CAMK1D: variants seen among roughly 807,000 people sequenced by gnomAD.
The protein encoded by CAMK1D is calcium/calmodulin-dependent protein kinase type 1D.
A neutral mutation model predicts 47.7 loss-of-function variants in CAMK1D; 9 were observed. The ratio of observed to expected loss-of-function variants is 0.19; its 90% CI spans 0.11 to 0.33. CAMK1D has a LOEUF of 0.33. CAMK1D is among the 10% of genes least tolerant of loss of function. CAMK1D has a pLI of 1.00. For missense variants in CAMK1D, 291 were observed against 488.7 expected (o/e 0.60, Z 3.81); for synonymous variants, 184 against 184.9 (o/e 0.99, Z 0.04).
chr10:12,350,836 C>T (rs952879018), intron 1 of CAMK1D, among the ~76,000 whole-genome samples: 4 of 152,214 alleles, frequency 2.6e-5, no homozygotes, highest in African/African-American at 9.7e-5. Flanking sequence ...AGTATTTGCT[C>T]TGCATCAGTA....
chr10:12,351,762 C>T (rs533980632), intron 1 of CAMK1D, among the ~76,000 whole-genome samples: 16 of 152,240 alleles, frequency 1.1e-4, no homozygotes, highest in African/African-American at 2.9e-4. Flanking sequence ...GGTGCCAGAG[C>T]GCTTCTCTGG....
intron 2 of CAMK1D, among the ~76,000 whole-genome samples, chr10:12,569,044 A>G (rs1272057100): frequency 6.6e-6 from 1 of 152,194 alleles, no homozygotes; most frequent in African/African-American, 2.4e-5. Context: ...TGTTCTGAAG[A>G]AAATACTGAC....
At chr10:12,379,683 G>A (rs1838283769) in intron 1 of CAMK1D, among the ~76,000 whole-genome samples, 2 of 152,250 alleles carry the variant, frequency 1.3e-5, no homozygotes, top group South Asian at 2.1e-4. Flanking sequence ...AACCCTGGAG[G>A]CGGAGGTTGC....
rs1379523618 is a variant in CAMK1D, at chr10:12,361,865, G to T, written c.92+11955G>T. On this transcript the variant is annotated intron_variant, in intron 1 of 10. Transcript: ENST00000619168. ...GCCACCGCTCCTGGCCTATTTGACT[G>T]TTTTTTAAAAATTATAGTTAAACGC... is the stretch of plus-strand genomic sequence containing the variant. Among the ~76,000 whole-genome samples the T allele has an allele frequency of 2.0e-5, 3 of 152,014 alleles. No homozygotes were observed. In the East Asian group the frequency reaches 5.8e-4, roughly 29 times the overall value.
chr10:12,368,690 G>A (rs981581316), intron 1 of CAMK1D, among the ~76,000 whole-genome samples: 18 of 149,846 alleles, frequency 1.2e-4, no homozygotes, highest in Non-Finnish European at 1.6e-4. Flanking sequence ...ACTTTGGGAG[G>A]CCCAAATCAT....
At chr10:12,519,001 G>A (rs1402379322) in intron 1 of CAMK1D, among the ~76,000 whole-genome samples, 1 of 119,272 alleles carries the variant, frequency 8.4e-6, no homozygotes, top group Non-Finnish European at 1.8e-5. Flanking sequence ...TGAGCCGCTG[G>A]GCACACCTCC....
chr10:12,781,038 A>G lies in CAMK1D; in HGVS notation c.566-10120A>G, dbSNP rs74986587. 4.7e-4 allele frequency among the ~76,000 whole-genome samples: 72 copies of G among 152,292 alleles called. No individual in the cohort carries two copies. The East Asian group carries it at 0.013, about 27-fold the overall frequency. Reference sequence around the variant, plus strand: ...CTGGCTTTGAGGAGCCCCATCCCACACATGGCAGTCCCACAGAGTCGCTCT... The same window carrying G: ...CTGGCTTTGAGGAGCCCCATCCCACGCATGGCAGTCCCACAGAGTCGCTCT... On this transcript the variant is annotated intron_variant, in intron 5 of 10. Coordinates refer to ENST00000619168, the MANE Select transcript of CAMK1D (RefSeq NM_153498.4).
At chr10:12,627,134 T>G (rs1479304917) in intron 2 of CAMK1D, among the ~76,000 whole-genome samples, 1 of 147,166 alleles carries the variant, frequency 6.8e-6, no homozygotes, top group Non-Finnish European at 1.5e-5. Flanking sequence ...CACACTGGAG[T>G]GCAGTGGCTC....
intron 10 of CAMK1D, among the ~76,000 whole-genome samples, chr10:12,828,189 C>T (rs182978409): frequency 1.9e-4 from 29 of 152,284 alleles, no homozygotes; most frequent in Admixed American, 1.9e-3. Flanking sequence ...TACATGGAAC[C>T]TGTTGTACCA....
chr10:12,702,950 C>T (rs889148480), intron 3 of CAMK1D, among the ~76,000 whole-genome samples: 3 of 152,256 alleles, frequency 2.0e-5, no homozygotes, highest in East Asian at 3.9e-4. Flanking sequence ...TAACTGGGAC[C>T]AGTGGGGATT....
At chr10:12,354,490 A>G (rs932671450) in intron 1 of CAMK1D, among the ~76,000 whole-genome samples, 1 of 147,612 alleles carries the variant, frequency 6.8e-6, no homozygotes, top group Non-Finnish European at 1.5e-5. Flanking sequence ...CAGTGGCGGG[A>G]TCTCAGCTCA....
intron 1 of CAMK1D, among the ~76,000 whole-genome samples, chr10:12,359,037 A>G (rs1230719893): frequency 6.6e-6 from 1 of 152,188 alleles, no homozygotes; most frequent in African/African-American, 2.4e-5. Flanking sequence ...GAGAAGAACA[A>G]TCCACAGTTG....
chr10:12,625,288 A>T (rs1313488501), intron 2 of CAMK1D, among the ~76,000 whole-genome samples: 1 of 147,262 alleles, frequency 6.8e-6, no homozygotes, highest in Non-Finnish European at 1.5e-5. Flanking sequence ...GTGAGTGGAG[A>T]TCACAGCATT....
chr10:12,556,734 C>T (rs2768347), intron 2 of CAMK1D, among the ~76,000 whole-genome samples: 50,592 of 151,920 alleles, frequency 0.33, 8,437 homozygotes, highest in Middle Eastern at 0.45. Flanking sequence ...CCTCTAGACA[C>T]GGGGGAGCCA....
At chr10:12,527,311 G>C (rs1042601516) in intron 1 of CAMK1D, among the ~76,000 whole-genome samples, 2 of 150,436 alleles carry the variant, frequency 1.3e-5, no homozygotes, top group East Asian at 2.0e-4. Context: ...TGGAATTTTT[G>C]GTGTCTTCTT....
intron 1 of CAMK1D, among the ~76,000 whole-genome samples, chr10:12,490,037 G>A (rs1057332669): frequency 1.3e-5 from 2 of 152,210 alleles, no homozygotes; most frequent in African/African-American, 4.8e-5. Context: ...TGTGTTGGTG[G>A]CTCCTTGGCT....
At chr10:12,741,597 T>A (rs1835430414) in intron 3 of CAMK1D, among the ~76,000 whole-genome samples, 1 of 151,514 alleles carries the variant, frequency 6.6e-6, no homozygotes, top group Non-Finnish European at 1.5e-5. Context: ...ATGAAACATG[T>A]TCAGCATTTA....
rs79413750 is a variant in CAMK1D, at chr10:12,369,115, A to G, written c.92+19205A>G. Among the ~76,000 whole-genome samples the G allele has an allele frequency of 3.7e-3, 568 of 152,244 alleles. 7 individuals are homozygous for G. The highest frequency in any genetic ancestry group is 0.037 in the East Asian group (192 of 5,188). ...CAGGTGTGAGCCACCACACCCAGCC[A>G]GGATTTTGGACAATTGAGAGACAGA... is the stretch of plus-strand genomic sequence containing the variant. On this transcript the variant is annotated intron_variant, in intron 1 of 10. Coordinates refer to ENST00000619168, the MANE Select transcript of CAMK1D (RefSeq NM_153498.4).
At chr10:12,725,877 C>T (rs1211332903) in intron 3 of CAMK1D, among the ~76,000 whole-genome samples, 3 of 152,060 alleles carry the variant, frequency 2.0e-5, no homozygotes, top group Admixed American at 1.3e-4. Flanking sequence ...TTGCCTCAGC[C>T]TCCCAAGTAG....
Sources: allele counts gnomAD v4.1 joint callset (sites outside exome capture counted in the v4.1 genomes callset), GRCh38; gene constraint gnomAD v4.1.1; transcripts MANE v1.5; gene names NCBI Gene and HGNC (gene_info 2026-07-23, HGNC 2026-07-21).